KCNMB2: variants seen among roughly 807,000 people sequenced by gnomAD.
The protein encoded by KCNMB2 is calcium-activated potassium channel subunit beta-2.
In KCNMB2, 9 loss-of-function variants were observed where a neutral mutation model predicts 24.5. That is an observed-to-expected ratio of 0.37 (90% CI 0.22 to 0.64). The LOEUF is 0.64. KCNMB2 is among the 30% of genes least tolerant of loss of function. KCNMB2 has a pLI of 0.63. For synonymous variants in KCNMB2, 109 were observed against 104.4 expected (o/e 1.04, Z -0.27); for missense variants, 226 against 284.3 (o/e 0.79, Z 1.47).
At chr3:178,741,676 C>T (rs908379219) in intron 1 of KCNMB2, among the ~76,000 whole-genome samples, 1 of 152,184 alleles carries the variant, frequency 6.6e-6, no homozygotes, top group African/African-American at 2.4e-5. Flanking sequence ...CCACAACCTT[C>T]CTTCAGCTAT....
intron 1 of KCNMB2, among the ~76,000 whole-genome samples, chr3:178,630,711 C>A (rs1719289494): frequency 6.6e-6 from 1 of 152,196 alleles, no homozygotes; most frequent in Non-Finnish European, 1.5e-5. Context: ...TTCTTGTCTT[C>A]CCCATCTCTT....
chr3:178,781,419 C>A (rs80220042), intron 1 of KCNMB2, among the ~76,000 whole-genome samples: 21,246 of 151,204 alleles, frequency 0.14, 1,792 homozygotes, highest in Admixed American at 0.18. Context: ...TGGTGAAACC[C>A]CGTCTCTACT....
intron 1 of KCNMB2, among the ~76,000 whole-genome samples, chr3:178,740,048 A>G (rs1723443584): frequency 6.6e-6 from 1 of 152,082 alleles, no homozygotes. Flanking sequence ...TTTTATGTAA[A>G]ATTTTTTTGA....
At chr3:178,611,804 C>G (rs1718494497) in intron 1 of KCNMB2, among the ~76,000 whole-genome samples, 1 of 152,116 alleles carries the variant, frequency 6.6e-6, no homozygotes, top group Admixed American at 6.6e-5. Context: ...ATGGGATTGA[C>G]TTGCTCTTGC....
chr3:178,661,673 GTCC>G (rs1221228043), intron 1 of KCNMB2, among the ~76,000 whole-genome samples: 1 of 152,158 alleles, frequency 6.6e-6, no homozygotes, highest in Non-Finnish European at 1.5e-5. Flanking sequence ...TCAAAGTGTG[GTCC>G]ATGCACCAGC....
chr3:178,541,834 C>T (rs1715628750), intron 1 of KCNMB2, among the ~76,000 whole-genome samples: 1 of 152,160 alleles, frequency 6.6e-6, no homozygotes, highest in Admixed American at 6.5e-5. Flanking sequence ...TTAAACTTAA[C>T]TTCCTCATAA....
At chr3:178,738,124 C>T (rs1044751306) in intron 1 of KCNMB2, among the ~76,000 whole-genome samples, 12 of 152,092 alleles carry the variant, frequency 7.9e-5, no homozygotes, top group Non-Finnish European at 1.2e-4. Context: ...CAGAACTCCT[C>T]CCCCTCCACT....
chr3:178,744,773 G>A (rs1723608743), intron 1 of KCNMB2, among the ~76,000 whole-genome samples: 1 of 151,916 alleles, frequency 6.6e-6, no homozygotes, highest in South Asian at 2.1e-4. Flanking sequence ...TGAACCCAGG[G>A]CAGCCATAAA....
At chr3:178,547,573 T>C (rs955212586) in intron 1 of KCNMB2, among the ~76,000 whole-genome samples, 2 of 152,240 alleles carry the variant, frequency 1.3e-5, no homozygotes, top group Non-Finnish European at 2.9e-5. Context: ...TATGTGTGTA[T>C]GTGTACATGT....
intron 2 of KCNMB2, 79 bp from the exon 3 acceptor site, chr3:178,825,509 T>C (rs916081157): frequency 3.7e-5 from 47 of 1,253,972 alleles, no homozygotes; most frequent in Non-Finnish European, 5.2e-5. Flanking sequence ...TAGGAAGGCA[T>C]GGGCAGAAAC....
At chr3:178,717,518 C>T (rs1722657240) in intron 1 of KCNMB2, among the ~76,000 whole-genome samples, 1 of 152,118 alleles carries the variant, frequency 6.6e-6, no homozygotes, top group Admixed American at 6.6e-5. Context: ...GGTCCAAACT[C>T]CCCTGAGTTT....
chr3:178,638,113 A>C (rs760150116), intron 1 of KCNMB2, among the ~76,000 whole-genome samples: 20 of 152,150 alleles, frequency 1.3e-4, no homozygotes, highest in Admixed American at 3.3e-4. Context: ...GATTTCCACA[A>C]TACCTAATTT....
At chr3:178,784,630 C>T (rs1713021834) in intron 1 of KCNMB2, among the ~76,000 whole-genome samples, 1 of 152,032 alleles carries the variant, frequency 6.6e-6, no homozygotes, top group Admixed American at 6.6e-5. Context: ...AAGAGTCTTT[C>T]ACCATAGAAT....
intron 1 of KCNMB2, among the ~76,000 whole-genome samples, chr3:178,705,226 T>C (rs1402582010): frequency 2.6e-5 from 4 of 152,102 alleles, no homozygotes; most frequent in African/African-American, 9.7e-5. Flanking sequence ...AGCAGAGGCC[T>C]ATTCTGAGTC....
intron 1 of KCNMB2, among the ~76,000 whole-genome samples, chr3:178,716,724 T>C (rs753948306): frequency 6.6e-6 from 1 of 152,192 alleles, no homozygotes; most frequent in Non-Finnish European, 1.5e-5. Flanking sequence ...ATTACAGGCA[T>C]GATCCCAAAA....
chr3:178,677,664 T>G (rs1049231528), intron 1 of KCNMB2, among the ~76,000 whole-genome samples: 4 of 152,194 alleles, frequency 2.6e-5, no homozygotes, highest in Non-Finnish European at 5.9e-5. Context: ...ATCACGAGGT[T>G]TTCACAAATT....
At chr3:178,544,447 C>A (rs1387917897) in intron 1 of KCNMB2, among the ~76,000 whole-genome samples, 2 of 152,146 alleles carry the variant, frequency 1.3e-5, no homozygotes. Flanking sequence ...CAGCAAATGC[C>A]TAAACCCCCT....
intron 1 of KCNMB2, among the ~76,000 whole-genome samples, chr3:178,660,755 C>A (rs935130238): frequency 4.6e-5 from 7 of 152,060 alleles, no homozygotes; most frequent in African/African-American, 1.7e-4. Context: ...TGGTAAAGGG[C>A]AGGGTCAAGA....
intron 2 of KCNMB2, among the ~76,000 whole-genome samples, chr3:178,814,931 T>TAAA (rs1257243698): frequency 6.6e-6 from 1 of 152,192 alleles, no homozygotes; most frequent in African/African-American, 2.4e-5. Flanking sequence ...GTCTGTTTAC[T>TAAA]CTGTTAATTA....
Sources: allele counts gnomAD v4.1 joint callset (sites outside exome capture counted in the v4.1 genomes callset), GRCh38; gene constraint gnomAD v4.1.1; transcripts MANE v1.5; gene names NCBI Gene and HGNC (gene_info 2026-07-23, HGNC 2026-07-21).